The following ADIPOR2 variants were observed in gnomAD, a reference collection of about 807,000 sequenced individuals.
ADIPOR2 encodes adiponectin receptor protein 2.
A neutral mutation model predicts 40.9 loss-of-function variants in ADIPOR2; 18 were observed. The observed-to-expected ratio is 0.44, with a 90% CI of 0.30 to 0.65. ADIPOR2 has a LOEUF of 0.65. Among genes scored for constraint, ADIPOR2 ranks in the 30% least tolerant of loss-of-function variants. The pLI, the probability that ADIPOR2 is intolerant of heterozygous loss-of-function variation, is 0.09. For missense variants in ADIPOR2, 283 were observed against 479.2 expected (o/e 0.59, Z 3.82); for synonymous variants, 165 against 166.4 (o/e 0.99, Z 0.06).
chr12:1,767,946 A>G (rs1401034917), intron 2 of ADIPOR2, among the ~76,000 whole-genome samples: 1 of 152,224 alleles, frequency 6.6e-6, no homozygotes, highest in Non-Finnish European at 1.5e-5. Context: ...AGAAATTCCT[A>G]AAGCTAATGA....
intron 1 of ADIPOR2, among the ~76,000 whole-genome samples, chr12:1,693,378 T>G (rs892230159): frequency 6.6e-6 from 1 of 152,132 alleles, no homozygotes; most frequent in Non-Finnish European, 1.5e-5. Flanking sequence ...AAAATTTAAA[T>G]GAGTCAGAAA....
intron 2 of ADIPOR2, chr12:1,757,939 C>A: frequency 1.0e-6 from 1 of 999,040 alleles, no homozygotes; most frequent in East Asian, 2.4e-5. Context: ...GCAAACACAC[C>A]GGTCAATTTA....
intron 1 of ADIPOR2, among the ~76,000 whole-genome samples, chr12:1,707,077 C>T (rs772903055): frequency 1.3e-5 from 2 of 152,180 alleles, no homozygotes; most frequent in Non-Finnish European, 2.9e-5. Flanking sequence ...TTTTGAGAGT[C>T]CTCCATGTTG....
intron 1 of ADIPOR2, among the ~76,000 whole-genome samples, chr12:1,699,380 C>T (rs763084440): frequency 6.6e-6 from 1 of 152,062 alleles, no homozygotes; most frequent in Non-Finnish European, 1.5e-5. Context: ...CACTTTGGGA[C>T]GCCAAGGTGG....
intron 1 of ADIPOR2, among the ~76,000 whole-genome samples, chr12:1,730,272 A>G (rs1169898821): frequency 6.6e-6 from 1 of 151,486 alleles, no homozygotes; most frequent in Non-Finnish European, 1.5e-5. Flanking sequence ...TGTGATTGGT[A>G]AGCGTTTTTT....
chr12:1,717,968 A>G (rs1423628612), intron 1 of ADIPOR2, among the ~76,000 whole-genome samples: 1 of 152,140 alleles, frequency 6.6e-6, no homozygotes. Flanking sequence ...CTGTGACTTT[A>G]TATTATAGTT....
At chr12:1,693,815 G>C (rs969417634) in intron 1 of ADIPOR2, among the ~76,000 whole-genome samples, 5 of 152,202 alleles carry the variant, frequency 3.3e-5, no homozygotes, top group African/African-American at 1.2e-4. Context: ...TTACAGGTGT[G>C]AGCAACCGTG....
At chr12:1,762,756 A>G (rs1862296476) in intron 2 of ADIPOR2, among the ~76,000 whole-genome samples, 2 of 152,326 alleles carry the variant, frequency 1.3e-5, no homozygotes, top group East Asian at 1.9e-4. Flanking sequence ...TATTATTAGA[A>G]TCTGTTTTAC....
intron 1 of ADIPOR2, among the ~76,000 whole-genome samples, chr12:1,749,832 GTTT>G (rs57852014): frequency 3.5e-4 from 42 of 119,216 alleles, no homozygotes; most frequent in South Asian, 1.1e-3. Flanking sequence ...TATTTGTTTA[GTTT>G]TTTTTTTTTT....
intron 2 of ADIPOR2, among the ~76,000 whole-genome samples, chr12:1,771,210 GCA>G (rs932305894): frequency 1.1e-4 from 17 of 152,030 alleles, no homozygotes; most frequent in African/African-American, 3.1e-4. Context: ...GTGCACGCAT[GCA>G]CACACACGTG....
intron 3 of ADIPOR2, among the ~76,000 whole-genome samples, chr12:1,774,324 G>T (rs1052816824): frequency 6.6e-6 from 1 of 152,136 alleles, no homozygotes; most frequent in Non-Finnish European, 1.5e-5. Context: ...AATAAATAGG[G>T]CAGGACATTT....
At position 1,758,196 on chromosome 12, in the gene ADIPOR2, TAATA is replaced by T. The variant is rs914018779; in HGVS notation, c.171+3688_171+3691del. Among the ~76,000 whole-genome samples, 3 of 152,368 alleles carry T rather than the reference TAATA, an allele frequency of 2.0e-5. No individual in the cohort carries two copies. In the East Asian group the frequency reaches 5.8e-4, roughly 29 times the overall value. On this transcript the variant is annotated intron_variant, in intron 2 of 7. Coordinates refer to ENST00000357103, the MANE Select transcript of ADIPOR2 (RefSeq NM_024551.3). ...AATAATATTTGTGTTTTAATTTCAC[TAATA>T]AATAATTAGGTGGATGGGATTTTTC...
At chr12:1,736,355 C>T (rs1029644641) in intron 1 of ADIPOR2, among the ~76,000 whole-genome samples, 3 of 152,204 alleles carry the variant, frequency 2.0e-5, no homozygotes, top group Non-Finnish European at 4.4e-5. Context: ...TTATCCATTT[C>T]TCCTAGATTT....
chr12:1,729,646 G>A (rs868796482), intron 1 of ADIPOR2, among the ~76,000 whole-genome samples: 1 of 118,016 alleles, frequency 8.5e-6, no homozygotes, highest in Non-Finnish European at 1.7e-5. Context: ...TTTTTTGAGT[G>A]TTTTTTTTTG....
intron 1 of ADIPOR2, among the ~76,000 whole-genome samples, chr12:1,741,563 T>A (rs2094742947): frequency 7.2e-6 from 1 of 139,024 alleles, no homozygotes; most frequent in Admixed American, 7.0e-5. Context: ...AGAATATAAT[T>A]TGGAAAGGAA....
chr12:1,752,216 A>G (rs1463955661), intron 1 of ADIPOR2, among the ~76,000 whole-genome samples: 1 of 131,856 alleles, frequency 7.6e-6, no homozygotes, highest in Non-Finnish European at 1.6e-5. Flanking sequence ...GGCGTGAGCC[A>G]CTGCTCCTGG....
chr12:1,738,749 A>G (rs1003531201), intron 1 of ADIPOR2, among the ~76,000 whole-genome samples: 2 of 152,214 alleles, frequency 1.3e-5, no homozygotes, highest in Admixed American at 1.3e-4. Flanking sequence ...GAGTATGCTT[A>G]AGAGACAGAT....
chr12:1,718,118 A>G (rs2094691198), intron 1 of ADIPOR2, among the ~76,000 whole-genome samples: 1 of 152,140 alleles, frequency 6.6e-6, no homozygotes, highest in Admixed American at 6.5e-5. Context: ...AGTTTGGGGC[A>G]TTTGGATGTT....
At chr12:1,711,719 C>T (rs1272849484) in intron 1 of ADIPOR2, among the ~76,000 whole-genome samples, 1 of 151,022 alleles carries the variant, frequency 6.6e-6, no homozygotes, top group East Asian at 1.9e-4. Context: ...TCTGTCTCTT[C>T]CTCTCTCTCT....
Sources: gnomAD v4.1 joint callset for allele counts (sites outside exome capture counted in the v4.1 genomes callset) on GRCh38, gnomAD v4.1.1 for gene constraint, MANE v1.5 for transcripts, NCBI Gene and HGNC (gene_info 2026-07-23, HGNC 2026-07-21) for gene names.